Variants in CHODL observed in about 807,000 individuals in gnomAD.
CHODL encodes the protein chondrolectin.
CHODL carries 29 observed loss-of-function variants against 34.5 expected under a neutral mutation model. The ratio of observed to expected loss-of-function variants is 0.84; its 90% CI spans 0.63 to 1.15. The LOEUF is 1.15. Among genes scored for constraint, CHODL ranks in the 50% most tolerant of loss-of-function variants. The probability of loss-of-function intolerance (pLI) is 0.00; values close to 1 mark genes in which losing one functional copy is unlikely to be tolerated. For missense variants in CHODL, 332 were observed against 332.5 expected, an observed-to-expected ratio of 1.00 and a Z score of 0.01; for synonymous variants, 125 against 116.1, an observed-to-expected ratio of 1.08 and a Z score of -0.49.
At chr21:18,217,850 C>A (rs2073845564) in intron 2 of CHODL, among the ~76,000 whole-genome samples, 1 of 152,134 alleles carries the variant, frequency 6.6e-6, no homozygotes, top group Admixed American at 6.5e-5. Flanking sequence ...AACAAAGGGG[C>A]TACAGACCCC....
chr21:17,991,926 A>G (rs1336225889), intron 1 of CHODL, among the ~76,000 whole-genome samples: 1 of 151,968 alleles, frequency 6.6e-6, no homozygotes, highest in East Asian at 1.9e-4. Context: ...CATTTCCCCT[A>G]TGTTTTCTTT....
Position 18,062,462 on chromosome 21 carries a change from G to A in CHODL, c.-45+34491G>A, listed in dbSNP as rs956142883. Among the ~76,000 whole-genome samples, 5 of 114,332 alleles carry A rather than the reference G, an allele frequency of 4.4e-5. No homozygotes were observed. The East Asian group carries it at 7.9e-4, about 18-fold the overall frequency. The allele number at this position is 114,332 out of a possible 152,430, so 75.0% of individuals were successfully genotyped here. On this transcript the variant is annotated intron_variant, in intron 2 of 6. Transcript: ENST00000400127. ...GGGCTCAAGTGATCCTCCCACCCTG[G>A]CCTCTCTCAAAGTGTAGACATTGAG... is the stretch of plus-strand genomic sequence containing the variant.
chr21:18,008,441 G>C (rs541304711), intron 1 of CHODL, among the ~76,000 whole-genome samples: 4 of 152,048 alleles, frequency 2.6e-5, no homozygotes, highest in African/African-American at 9.6e-5. Flanking sequence ...CGTTCATTTT[G>C]CATAAAGAAA....
chr21:18,104,782 G>A (rs1198119106), intron 2 of CHODL, among the ~76,000 whole-genome samples: 2 of 152,192 alleles, frequency 1.3e-5, no homozygotes, highest in East Asian at 1.9e-4. Context: ...AGCAACACAT[G>A]TTTAAATTCT....
intron 2 of CHODL, among the ~76,000 whole-genome samples, chr21:18,065,533 T>C (rs1214839605): frequency 6.6e-6 from 1 of 152,182 alleles, no homozygotes; most frequent in Non-Finnish European, 1.5e-5. Flanking sequence ...AAAAGTACAG[T>C]ATTATTTAAT....
At chr21:18,127,639 T>G (rs1794864658) in intron 2 of CHODL, among the ~76,000 whole-genome samples, 1 of 151,194 alleles carries the variant, frequency 6.6e-6, no homozygotes, top group Admixed American at 6.6e-5. Context: ...CGAATAAATC[T>G]TTTGTGGTTA....
intron 2 of CHODL, among the ~76,000 whole-genome samples, chr21:18,200,882 A>G (rs2073643300): frequency 6.6e-6 from 1 of 152,202 alleles, no homozygotes; most frequent in South Asian, 2.1e-4. Context: ...AGTGATGCAG[A>G]TACAAGTTAG....
At position 18,266,217 on chromosome 21, in the gene CHODL, G is replaced by T; in HGVS notation, c.*179G>T. On this transcript the variant is annotated 3_prime_UTR_variant, in exon 6 of 6. Transcript: ENST00000299295. ...GTCTATTATTTCATTTAAAGAATATGCTGTGCTAATAATGGAGTGAGACAT... is the reference window on the plus strand; with the variant it reads ...GTCTATTATTTCATTTAAAGAATATTCTGTGCTAATAATGGAGTGAGACAT... 6.6e-7 allele frequency: 1 copy of T among 1,526,026 alleles called. No homozygotes were observed. Among genetic ancestry groups the T allele is most frequent in the Middle Eastern group, 1.7e-4 (1 of 5,844 alleles). 94.5% of individuals were successfully genotyped at this position (1,526,026 alleles called of 1,614,324 possible).
rs371333247 is a variant in CHODL at position 18,212,972 on chromosome 21, C to A, written c.-44-43537C>A. Among the ~76,000 whole-genome samples the A allele has an allele frequency of 5.9e-5, 9 of 152,088 alleles. No homozygotes were observed. In the East Asian group the frequency reaches 7.7e-4, roughly 13 times the overall value. On this transcript the variant is annotated intron_variant, in intron 2 of 6. Coordinates refer to the CHODL transcript ENST00000400127. ...AGTGATGGCATTATCATTTAAAGAGCAATTGCTTGTATTGATTGCATTCAG... is the reference window on the plus strand; with the variant it reads ...AGTGATGGCATTATCATTTAAAGAGAAATTGCTTGTATTGATTGCATTCAG...
chr21:18,104,716 A>G (rs1341934468), intron 2 of CHODL, among the ~76,000 whole-genome samples: 2 of 152,198 alleles, frequency 1.3e-5, no homozygotes, highest in African/African-American at 4.8e-5. Context: ...GTGTATCAGC[A>G]TCTCAGCAAC....
chr21:18,240,190 A>T (rs986312840), upstream of CHODL, among the ~76,000 whole-genome samples: 1 of 152,132 alleles, frequency 6.6e-6, no homozygotes, highest in Admixed American at 6.6e-5. Flanking sequence ...GTGACATTTT[A>T]CAATTAAATT....
At chr21:18,017,498 C>G (rs1220459102) in intron 1 of CHODL, among the ~76,000 whole-genome samples, 1 of 152,216 alleles carries the variant, frequency 6.6e-6, no homozygotes, top group African/African-American at 2.4e-5. Context: ...CAGGCTGACG[C>G]TTCAGAGGGC....
intron 4 of CHODL, 105 bp downstream of exon 4, chr21:18,260,391 C>A (rs1167892068): frequency 2.9e-6 from 2 of 688,550 alleles, no homozygotes; most frequent in Non-Finnish European, 5.0e-6. Flanking sequence ...GGAAGTGGTT[C>A]ACTAAGTATG....
chr21:18,238,519 A>G (rs945962177), intron 2 of CHODL, among the ~76,000 whole-genome samples: 2 of 152,100 alleles, frequency 1.3e-5, no homozygotes, highest in African/African-American at 4.8e-5. Context: ...CTCCCACAAC[A>G]TGCGGGAATT....
intron 1 of CHODL, among the ~76,000 whole-genome samples, chr21:18,012,078 G>A (rs973758092): frequency 2.6e-5 from 4 of 152,198 alleles, no homozygotes; most frequent in African/African-American, 7.2e-5. Flanking sequence ...GTTTATGCAT[G>A]TTGCATCCCC....
At chr21:17,927,102 GTGTATGTA>G (rs900567153) in intron 1 of CHODL, among the ~76,000 whole-genome samples, 2 of 136,584 alleles carry the variant, frequency 1.5e-5, no homozygotes, top group Non-Finnish European at 3.0e-5. Context: ...GTATATCTGT[GTGTATGTA>G]TATATGTATA....
At chr21:18,196,783 G>A (rs1473864161) in intron 2 of CHODL, among the ~76,000 whole-genome samples, 1 of 152,092 alleles carries the variant, frequency 6.6e-6, no homozygotes, top group Admixed American at 6.5e-5. Context: ...AAAAGTCAAA[G>A]TTAATAGAAG....
chr21:18,253,759 TCTAA>T (rs2074284190), intron 1 of CHODL, among the ~76,000 whole-genome samples: 1 of 152,196 alleles, frequency 6.6e-6, no homozygotes, highest in South Asian at 2.1e-4. Flanking sequence ...CTGAAGTTTC[TCTAA>T]CTTATTTCCC....
intron 2 of CHODL, among the ~76,000 whole-genome samples, chr21:18,131,431 A>G (rs1236894946): frequency 1.3e-5 from 2 of 152,192 alleles, no homozygotes; most frequent in Non-Finnish European, 2.9e-5. Context: ...TCACTTTGGT[A>G]TACATTTCAA....
Sources: allele counts gnomAD v4.1 joint callset (sites outside exome capture counted in the v4.1 genomes callset), GRCh38; gene constraint gnomAD v4.1.1; transcripts MANE v1.5; gene names NCBI Gene and HGNC (gene_info 2026-07-23, HGNC 2026-07-21).